Variants in PDE7A observed in about 807,000 individuals in gnomAD.
The protein encoded by PDE7A is phosphodiesterase 7A.
In PDE7A, 39 loss-of-function variants were observed where a neutral mutation model predicts 64.3. The ratio of observed to expected loss-of-function variants is 0.61; its 90% CI spans 0.47 to 0.79. The LOEUF is 0.79. PDE7A is among the 30% of genes least tolerant of loss of function. The pLI is 0.00. For missense variants in PDE7A, 470 were observed against 582.8 expected (o/e 0.81, Z 1.99); for synonymous variants, 203 against 206.8 (o/e 0.98, Z 0.16).
At chr8:65,752,504 T>A (rs1585872211) in intron 3 of PDE7A, among the ~76,000 whole-genome samples, 1 of 152,212 alleles carries the variant, frequency 6.6e-6, no homozygotes, top group East Asian at 1.9e-4. Flanking sequence ...GCATTGAAAC[T>A]TGCAAAATCT....
chr8:65,783,873 G>A (rs998779916), intron 1 of PDE7A, among the ~76,000 whole-genome samples: 1 of 152,118 alleles, frequency 6.6e-6, no homozygotes, highest in South Asian at 2.1e-4. Context: ...TTAAAAATGA[G>A]GAAGATAAAA....
chr8:65,839,052 CAG>C (rs1335745421), intron 1 of PDE7A, among the ~76,000 whole-genome samples: 2 of 152,150 alleles, frequency 1.3e-5, no homozygotes, highest in African/African-American at 4.8e-5. Context: ...GATGCTCAGT[CAG>C]AGATAATTTC....
chr8:65,771,757 C>T (rs1414178671), intron 3 of PDE7A, among the ~76,000 whole-genome samples: 1 of 151,718 alleles, frequency 6.6e-6, no homozygotes, highest in Non-Finnish European at 1.5e-5. Context: ...TGCCTGTAAT[C>T]CCAGCTACTT....
At chr8:65,836,429 T>A (rs1015285184) in intron 1 of PDE7A, among the ~76,000 whole-genome samples, 3 of 152,248 alleles carry the variant, frequency 2.0e-5, no homozygotes, top group Non-Finnish European at 4.4e-5. Flanking sequence ...ATAAAATGTC[T>A]AATAATATAT....
At chr8:65,774,195 T>C (rs1488759804) in intron 3 of PDE7A, among the ~76,000 whole-genome samples, 3 of 152,238 alleles carry the variant, frequency 2.0e-5, no homozygotes, top group African/African-American at 4.8e-5. Flanking sequence ...TATTGAATCA[T>C]CCTTGCTTCC....
At chr8:65,746,196 C>T (rs61224841) in intron 4 of PDE7A, among the ~76,000 whole-genome samples, 1,628 of 151,432 alleles carry the variant, frequency 0.011, 16 homozygotes, top group African/African-American at 0.036. Context: ...GGCCTCCGAA[C>T]GTGCTAGGAT....
rs1806086312 is a variant in PDE7A, at chr8:65,715,253, A to G, written c.*4037T>C. On this transcript the variant is annotated 3_prime_UTR_variant, in exon 13 of 13. Coordinates refer to ENST00000401827, the MANE Select transcript of PDE7A (RefSeq NM_001242318.3). ...ATAGGTCGTATTTAAGTGGAGCTAT[A>G]GGCCTGATGCAGTGTCTCACACCTG... 6.6e-6 allele frequency among the ~76,000 whole-genome samples: 1 copy of G among 152,274 alleles called. No individual in the cohort carries two copies. The highest frequency in any genetic ancestry group is 1.5e-5 in the Non-Finnish European group (1 of 68,020).
intron 1 of PDE7A, among the ~76,000 whole-genome samples, chr8:65,798,206 A>AT (rs1554568896): frequency 0.081 from 5,979 of 73,702 alleles, 252 homozygotes; most frequent in South Asian, 0.14. Flanking sequence ...ATATATATAT[A>AT]TTTTTTTTTT....
chr8:65,719,524 A>C (rs762731079), intron 12 of PDE7A, 29 bp from the exon 13 acceptor site: 1 of 1,401,394 alleles, frequency 7.1e-7, no homozygotes, highest in Non-Finnish European at 1.0e-6. Context: ...AAAGTTATTA[A>C]CATATATGCT....
At chr8:65,731,263 A>C (rs932667600) in intron 7 of PDE7A, among the ~76,000 whole-genome samples, 1 of 152,200 alleles carries the variant, frequency 6.6e-6, no homozygotes, top group Admixed American at 6.5e-5. Context: ...CAAGAAAGGC[A>C]ACTCAACCAT....
intron 1 of PDE7A, among the ~76,000 whole-genome samples, chr8:65,816,535 A>AGGT (rs1232246208): frequency 2.0e-5 from 3 of 152,226 alleles, no homozygotes; most frequent in African/African-American, 7.2e-5. Flanking sequence ...CTTATAAGGT[A>AGGT]GGTCTGATAG....
In PDE7A at chr8:65,745,564, T is replaced by C; in HGVS notation, c.436-94A>G. 1.3e-5 allele frequency: 9 copies of C among 699,818 alleles called. 1 individual carries two copies. In the South Asian group the frequency reaches 1.6e-4, roughly 12 times the overall value. 43.4% of individuals were successfully genotyped at this position (699,818 alleles called of 1,614,324 possible). ...TAGAGAAGTTAAAGAAAATGTAAAG[T>C]GATTGATTTACTTTAAAAAATACAA... On this transcript the variant is annotated intron_variant, in intron 4 of 12. Transcript: ENST00000401827.
chr8:65,791,168 A>G (rs978552653), intron 1 of PDE7A, among the ~76,000 whole-genome samples: 4 of 152,232 alleles, frequency 2.6e-5, no homozygotes, highest in African/African-American at 9.6e-5. Context: ...AAAAAGAGGA[A>G]GTAAGAAAGG....
Position 65,771,000 on chromosome 8 carries a change from T to A in PDE7A, c.283+8720A>T, listed in dbSNP as rs897019503. ...GGACAAGAAGGCCTATGGCAAATCC[T>A]ACTGAAGATAAATTTATAAGCCTTA... is the stretch of plus-strand genomic sequence containing the variant. On this transcript the variant is annotated intron_variant, in intron 3 of 12. Coordinates refer to ENST00000401827, the MANE Select transcript of PDE7A (RefSeq NM_001242318.3). The A allele has an allele frequency of 1.1e-5, 4 of 352,894 alleles. No individual in the cohort carries two copies. The Admixed American group carries it at 1.4e-4, about 12-fold the overall frequency. 21.9% of individuals were successfully genotyped at this position (352,894 alleles called of 1,614,324 possible). A position where few individuals can be genotyped will look rare whatever the true frequency, so the allele number is the denominator to read the frequency against.
At chr8:65,755,583 T>C (rs1007297372) in intron 3 of PDE7A, among the ~76,000 whole-genome samples, 1 of 152,252 alleles carries the variant, frequency 6.6e-6, no homozygotes, top group Non-Finnish European at 1.5e-5. Context: ...TATATGTGTG[T>C]GCCCATTACC....
intron 1 of PDE7A, among the ~76,000 whole-genome samples, chr8:65,799,894 T>C (rs7001147): frequency 2.0e-5 from 3 of 152,306 alleles, no homozygotes; most frequent in Admixed American, 1.3e-4. Context: ...TCAAACTAAA[T>C]AGCAGCCCCT....
rs1175984533 is a variant in PDE7A, at chr8:65,719,108, G to T, written c.*182C>A. ...CAAATTCATATTGCTGTATGTTCGG[G>T]TCTTGCAATTAACAAGTGGGTTCAA... On this transcript the variant is annotated 3_prime_UTR_variant, in exon 13 of 13. Transcript: ENST00000401827. 1 of 598,166 alleles carries T rather than the reference G, an allele frequency of 1.7e-6. No individual in the cohort carries two copies. The allele number at this position is 598,166 out of a possible 1,614,324, so 37.1% of individuals were successfully genotyped here.
At chr8:65,814,664 T>C (rs1021295072) in intron 1 of PDE7A, among the ~76,000 whole-genome samples, 1 of 152,170 alleles carries the variant, frequency 6.6e-6, no homozygotes, top group Non-Finnish European at 1.5e-5. Flanking sequence ...CTCTGGGGAA[T>C]TGCTAAGAAG....
At chr8:65,730,241 C>A (rs572105001) in intron 7 of PDE7A, among the ~76,000 whole-genome samples, 1 of 122,094 alleles carries the variant, frequency 8.2e-6, no homozygotes, top group Admixed American at 1.1e-4. Flanking sequence ...AGAGTAATGG[C>A]GCAATCACGG....
Sources: gnomAD v4.1 joint callset for allele counts (sites outside exome capture counted in the v4.1 genomes callset) on GRCh38, gnomAD v4.1.1 for gene constraint, MANE v1.5 for transcripts, NCBI Gene and HGNC (gene_info 2026-07-23, HGNC 2026-07-21) for gene names.